The following SLC2A9 variants were observed in gnomAD, a reference collection of about 807,000 sequenced individuals.
SLC2A9 encodes solute carrier family 2 member 9, also known as solute carrier family 2, facilitated glucose transporter member 9.
SLC2A9 carries 39 observed loss-of-function variants against 50.6 expected under a neutral mutation model. The observed-to-expected ratio is 0.77, with a 90% confidence interval of 0.60 to 1.01. SLC2A9 has a LOEUF of 1.01. Ranked by LOEUF, SLC2A9 falls within the 50% of genes least tolerant of loss-of-function variation. The pLI, the probability that SLC2A9 is intolerant of heterozygous loss-of-function variation, is 0.00. For missense variants in SLC2A9, 686 were observed against 677.6 expected (o/e 1.01, Z -0.14); for synonymous variants, 324 against 276.9 (o/e 1.17, Z -1.69).
At chr4:9,914,697 C>A (rs1442190679) in intron 7 of SLC2A9, among the ~76,000 whole-genome samples, 1 of 152,098 alleles carries the variant, frequency 6.6e-6, no homozygotes, top group Non-Finnish European at 1.5e-5. Context: ...TTGACCCCAG[C>A]AATTGCTATG....
chr4:9,781,729 C>G (rs1178987212), intron 3 of SLC2A9: 1 of 333,610 alleles, frequency 3.0e-6, no homozygotes, highest in East Asian at 4.6e-5. Context: ...GCTGCCGCTG[C>G]CGTCCGGCGC....
intron 3 of SLC2A9, chr4:9,781,974 G>A (rs1225934422): frequency 7.3e-7 from 1 of 1,365,344 alleles, no homozygotes; most frequent in Non-Finnish European, 9.5e-7. Flanking sequence ...GCTGCCTGGG[G>A]GTCGCAGGGC....
chr4:9,955,093 G>A (rs1021905383), intron 5 of SLC2A9, among the ~76,000 whole-genome samples: 2 of 152,160 alleles, frequency 1.3e-5, no homozygotes, highest in Non-Finnish European at 2.9e-5. Context: ...CACACGGCGT[G>A]TGCGGCCCCT....
chr4:9,790,688 A>T (rs1577289151), intron 3 of SLC2A9, among the ~76,000 whole-genome samples: 1 of 152,340 alleles, frequency 6.6e-6, no homozygotes, highest in East Asian at 1.9e-4. Context: ...GAACTACTTG[A>T]AAGTTAAAAT....
intron 1 of SLC2A9, among the ~76,000 whole-genome samples, chr4:10,039,353 A>T (rs1216317755): frequency 6.6e-6 from 1 of 152,214 alleles, no homozygotes; most frequent in Non-Finnish European, 1.5e-5. Context: ...TCTGTGCTCA[A>T]CAGCAGATAG....
At chr4:9,981,280 T>G in intron 4 of SLC2A9, among the ~76,000 whole-genome samples, 1 of 151,626 alleles carries the variant, frequency 6.6e-6, no homozygotes, top group African/African-American at 2.4e-5. Context: ...GTGGTGGTGG[T>G]AGTAGTAATG....
At chr4:9,971,071 A>G (rs1256241990) in intron 5 of SLC2A9, among the ~76,000 whole-genome samples, 1 of 152,162 alleles carries the variant, frequency 6.6e-6, no homozygotes, top group South Asian at 2.1e-4. Context: ...AAGGACAGAA[A>G]TTGTGCACTC....
chr4:9,834,824 C>T, intron 11 of SLC2A9, 57 bp downstream of exon 11: 1 of 1,612,748 alleles, frequency 6.2e-7, no homozygotes, highest in Non-Finnish European at 8.5e-7. Flanking sequence ...AATCACCCCT[C>T]AAGTGCTGCA....
upstream of SLC2A9, among the ~76,000 whole-genome samples, chr4:10,022,804 G>T (rs769971194): frequency 6.6e-6 from 1 of 152,218 alleles, no homozygotes; most frequent in Non-Finnish European, 1.5e-5. Context: ...TGACATGCAC[G>T]GTGGTGGGAA....
chr4:9,971,200 T>G (rs1753864897), intron 5 of SLC2A9, among the ~76,000 whole-genome samples: 1 of 152,210 alleles, frequency 6.6e-6, no homozygotes, highest in Non-Finnish European at 1.5e-5. Flanking sequence ...CAACAACAAG[T>G]TTCACCTAAT....
At chr4:9,821,392 C>T (rs1278807254), downstream of SLC2A9, among the ~76,000 whole-genome samples, 1 of 151,948 alleles carries the variant, frequency 6.6e-6, no homozygotes, top group South Asian at 2.1e-4. Context: ...CAAACTAACA[C>T]AGGAACAGAA....
At chr4:9,997,902 A>G (rs1205385597) in intron 2 of SLC2A9, among the ~76,000 whole-genome samples, 1 of 152,204 alleles carries the variant, frequency 6.6e-6, no homozygotes, top group African/African-American at 2.4e-5. Context: ...ACATAGAACT[A>G]CAAATAAATC....
At chr4:10,018,263 G>A (rs1001887710) in intron 2 of SLC2A9, among the ~76,000 whole-genome samples, 6 of 152,206 alleles carry the variant, frequency 3.9e-5, no homozygotes, top group Admixed American at 6.5e-5. Context: ...AACAACACCA[G>A]GCCGGGCACA....
chr4:9,875,419 C>T (rs2109557529), intron 10 of SLC2A9, among the ~76,000 whole-genome samples: 1 of 152,338 alleles, frequency 6.6e-6, no homozygotes, highest in South Asian at 2.1e-4. Context: ...TTAGAAATGT[C>T]TTCTTGTGCA....
intron 7 of SLC2A9, among the ~76,000 whole-genome samples, chr4:9,909,722 C>T (rs1176870410): frequency 6.6e-6 from 1 of 152,226 alleles, no homozygotes; most frequent in Non-Finnish European, 1.5e-5. Flanking sequence ...TTCTCCCCAT[C>T]CCAGCCATTT....
chr4:9,969,813 C>T (rs1753605869), intron 5 of SLC2A9, among the ~76,000 whole-genome samples: 1 of 152,202 alleles, frequency 6.6e-6, no homozygotes, highest in South Asian at 2.1e-4. Flanking sequence ...AATCCACCCC[C>T]ATGATTCAAT....
intron 6 of SLC2A9, among the ~76,000 whole-genome samples, chr4:9,936,172 G>A (rs1747043368): frequency 6.6e-6 from 1 of 152,312 alleles, no homozygotes; most frequent in Middle Eastern, 3.4e-3. Flanking sequence ...ATCAGGAGGT[G>A]GGGCCTTTGG....
intron 5 of SLC2A9, among the ~76,000 whole-genome samples, chr4:9,973,482 C>A (rs562577592): frequency 6.6e-6 from 1 of 151,654 alleles, no homozygotes; most frequent in African/African-American, 2.4e-5. Context: ...GGCAAAGATA[C>A]AATAAAAAGA....
intron 11 of SLC2A9, among the ~76,000 whole-genome samples, chr4:9,830,387 G>A (rs949696774): frequency 6.6e-6 from 1 of 152,178 alleles, no homozygotes; most frequent in Non-Finnish European, 1.5e-5. Flanking sequence ...AGAGTGTTAG[G>A]AAGAATAGCT....
Sources: gnomAD v4.1 joint callset for allele counts (sites outside exome capture counted in the v4.1 genomes callset) on GRCh38, gnomAD v4.1.1 for gene constraint, MANE v1.5 for transcripts, NCBI Gene and HGNC (gene_info 2026-07-23, HGNC 2026-07-21) for gene names.